The following NPC1L1 variants were observed in gnomAD, a reference collection of about 807,000 sequenced individuals.
NPC1L1 encodes NPC1 like intracellular cholesterol transporter 1.
In NPC1L1, 98 loss-of-function variants were observed where a neutral mutation model predicts 117.0. The observed-to-expected ratio is 0.84, with a 90% confidence interval of 0.71 to 0.99. The LOEUF (loss-of-function observed/expected upper bound fraction) is 0.99. Ranked by LOEUF, NPC1L1 falls within the 50% of genes least tolerant of loss-of-function variation. NPC1L1 has a pLI of 0.00. For missense variants in NPC1L1, 1,540 were observed against 1,710.0 expected (o/e 0.90, Z 1.75); for synonymous variants, 729 against 727.6 (o/e 1.00, Z -0.03).
chr7:44,535,534 G>C (rs902748310), intron 5 of NPC1L1, among the ~76,000 whole-genome samples: 2 of 148,614 alleles, frequency 1.3e-5, no homozygotes, highest in Non-Finnish European at 3.0e-5. Context: ...TGTCTCAAAA[G>C]AAAGAAAGAG....
At chr7:44,521,899 T>G (rs1395796068) in intron 11 of NPC1L1, 63 bp from the exon 12 acceptor site, 1 of 1,610,870 alleles carries the variant, frequency 6.2e-7, no homozygotes. Context: ...GTCCTTCTCG[T>G]GGCCCAACCC....
chr7:44,527,392 G>A (rs1801551626), intron 10 of NPC1L1, among the ~76,000 whole-genome samples: 1 of 148,996 alleles, frequency 6.7e-6, no homozygotes, highest in African/African-American at 2.5e-5. Context: ...GGGAGGCAGA[G>A]GTTGCGGTGA....
chr7:44,521,268 G>T, intron 12 of NPC1L1, 150 bp from the exon 13 acceptor site: 1 of 1,103,300 alleles, frequency 9.1e-7, no homozygotes, highest in Non-Finnish European at 1.3e-6. Flanking sequence ...GTCATTTGTG[G>T]GAGAAGTTCT....
intron 14 of NPC1L1, 145 bp from the exon 15 acceptor site, chr7:44,517,502 A>T (rs1801228449): frequency 9.3e-7 from 1 of 1,078,586 alleles, no homozygotes; most frequent in Non-Finnish European, 1.3e-6. Context: ...AATTCTTAGT[A>T]AATTTTGTGC....
At chr7:44,516,018 A>G (rs1310448147) in intron 17 of NPC1L1, 53 bp from the exon 18 acceptor site, 8 of 1,610,476 alleles carry the variant, frequency 5.0e-6, no homozygotes, top group African/African-American at 1.3e-5. Context: ...CAGGCAGGGC[A>G]CAGGGCATCA....
At position 44,540,051 on chromosome 7, in the gene NPC1L1, A is replaced by C; in HGVS notation, c.346T>G (p.Cys116Gly). 6.2e-7 allele frequency: 1 copy of C among 1,614,220 alleles called. No homozygotes were observed. The highest frequency in any genetic ancestry group is 8.5e-7 in the Non-Finnish European group (1 of 1,180,028). The stretch of plus-strand genomic sequence containing the variant: ...TGCAGGTTCACAAAATTGTCAGAGC[A>C]GGCTGGGCAGCGGGTGAGGAGGGCC... ...TKALLTRCPACSDNFVNLHCH... is the reference protein window; with the variant it reads ...TKALLTRCPAGSDNFVNLHCH... The change falls in exon 2 of 19, where the codon TGC (cysteine) becomes GGC (glycine). Residue 116 changes from cysteine (C) to glycine (G), a missense_variant. By Grantham distance (159) the Cys-to-Gly change is radical. This residue lies in a region of NPC1L1 where 793 missense variants were observed against 820.4 expected (regional missense o/e 0.97). Transcript: ENST00000381160.
rs759968225 is a variant in NPC1L1 at position 44,540,309 on chromosome 7, G to A, written c.88C>T (p.Pro30Ser). The A allele has an allele frequency of 6.2e-6, 10 of 1,613,656 alleles. No individual in the cohort carries two copies. The East Asian group carries it at 2.2e-4, about 36-fold the overall frequency. The change falls in exon 2 of 19, where the codon CCT becomes TCT. Residue 30 changes from proline (P) to serine (S), a missense_variant. By Grantham distance (74) the Pro-to-Ser change is moderately conservative. Transcript: ENST00000381160. ...TCGTCATAGAAGGCGCAGTAGCCAG[G>A]CTGGTGGATGGTTGTGTAAGGCTCA... ...QSEPYTTIHQ[P>S]GYCAFYDECG...
intron 10 of NPC1L1, among the ~76,000 whole-genome samples, chr7:44,527,984 C>T (rs1055020657): frequency 2.0e-5 from 3 of 152,124 alleles, no homozygotes; most frequent in African/African-American, 7.2e-5. Context: ...GCCACCATGC[C>T]TGGCTAATTT....
In NPC1L1 at chr7:44,538,837, G is replaced by T; in HGVS notation, c.1560C>A (p.Asp520Glu). ...CTCACTTGGCACAGTACAGAAAATG[G>T]TCCTTCCAGTCGACTTGGGAGGTCT... ...MGQTSQVDWK[D>E]HFLYCANAPL... Residue 520 changes from aspartate to glutamate, a missense_variant, in exon 2 of 19, where the codon GAC (aspartate) becomes GAA (glutamate). By Grantham distance (45) the Asp-to-Glu change is conservative. Coordinates refer to ENST00000381160, the MANE Select transcript of NPC1L1 (RefSeq NM_001101648.2). This position sits in a 1 kb window ranked among gnomAD's most constrained non-coding sequence, Gnocchi z 5.9. 6.2e-7 allele frequency: 1 copy of T among 1,614,180 alleles called. No individual in the cohort carries two copies. The highest frequency in any genetic ancestry group is 8.5e-7 in the Non-Finnish European group (1 of 1,180,038).
chr7:44,518,351 G>A (rs1232559110), intron 14 of NPC1L1, among the ~76,000 whole-genome samples: 1 of 150,092 alleles, frequency 6.7e-6, no homozygotes, highest in Non-Finnish European at 1.5e-5. Context: ...TGTATTTTTA[G>A]TAGAGACAGG....
intron 14 of NPC1L1, among the ~76,000 whole-genome samples, chr7:44,520,238 C>G (rs956809948): frequency 6.6e-6 from 1 of 152,084 alleles, no homozygotes; most frequent in South Asian, 2.1e-4. Flanking sequence ...CGAGATTGCA[C>G]CACTGCACTC....
At chr7:44,524,540 A>C (rs1007633759) in intron 10 of NPC1L1, among the ~76,000 whole-genome samples, 1 of 152,156 alleles carries the variant, frequency 6.6e-6, no homozygotes, top group Admixed American at 6.6e-5. Context: ...AGATCACATG[A>C]GGCCAGGAGT....
chr7:44,533,576 G>A lies in NPC1L1; in HGVS notation c.2282-18C>T, dbSNP rs377401853. ...CAGGGCCCCTGTGAGGGAGCAGAGG[G>A]CTGTCAGGGCACCCTGGCTTCAAGG... On this transcript the variant is annotated intron_variant, in intron 7 of 18. Coordinates refer to ENST00000381160, the MANE Select transcript of NPC1L1 (RefSeq NM_001101648.2). The A allele has an allele frequency of 6.2e-7, 1 of 1,614,150 alleles. No homozygotes were observed. The highest frequency in any genetic ancestry group is 8.5e-7 in the Non-Finnish European group (1 of 1,180,014).
rs761471711 is a variant in NPC1L1, at chr7:44,536,246, C to T, written c.1854+10G>A. The T allele has an allele frequency of 1.2e-6, 2 of 1,612,990 alleles. No homozygotes were observed. The highest frequency in any genetic ancestry group is 8.5e-7 in the Non-Finnish European group (1 of 1,179,984). ...TGCACCCCCAGAGCCAGGGACCCTGCAGCCCCTACCTCAGCCATGAACGTG... is the reference window on the plus strand; with the variant it reads ...TGCACCCCCAGAGCCAGGGACCCTGTAGCCCCTACCTCAGCCATGAACGTG... On this transcript the variant is annotated intron_variant, in intron 4 of 18. Coordinates refer to ENST00000381160, the MANE Select transcript of NPC1L1 (RefSeq NM_001101648.2). The surrounding 1 kb of genome is among the most constrained non-coding windows in gnomAD (Gnocchi z 4.7).
At chr7:44,520,856 C>T (rs776794812) in intron 13 of NPC1L1, 36 bp from the exon 14 acceptor site, 30 of 1,613,560 alleles carry the variant, frequency 1.9e-5, no homozygotes, top group South Asian at 3.3e-5. Flanking sequence ...TAGCCAGGGA[C>T]GAAGCTTCTT....
chr7:44,514,638 A>C (rs1485248371), intron 18 of NPC1L1, among the ~76,000 whole-genome samples: 1 of 152,196 alleles, frequency 6.6e-6, no homozygotes, highest in African/African-American at 2.4e-5. Context: ...ACTGCACTCC[A>C]GCCTGGGCAA....
At position 44,539,242 on chromosome 7, in the gene NPC1L1, G is replaced by A. The variant is rs1439203655; in HGVS notation, c.1155C>T (p.Ala385=). ...LTTDPVELWS[A]PNSQARSEKA... ...TCTCACTCCGGGCTTGGCTGTTGGG[G>A]GCCGACCACAGCTCCACGGGGTCCG... Residue 385 remains alanine, a synonymous_variant, in exon 2 of 19, where the codon GCC becomes GCT. Coordinates refer to ENST00000381160, the MANE Select transcript of NPC1L1 (RefSeq NM_001101648.2). The surrounding 1 kb of genome is among the most constrained non-coding windows in gnomAD (Gnocchi z 4.4). 5.0e-6 allele frequency: 8 copies of A among 1,613,962 alleles called. No homozygotes were observed. The highest frequency in any genetic ancestry group is 5.9e-6 in the Non-Finnish European group (7 of 1,180,052).
At chr7:44,516,037 A>C (rs1156602284) in intron 17 of NPC1L1, 47 bp downstream of exon 17, 1 of 1,607,976 alleles carries the variant, frequency 6.2e-7, no homozygotes, top group Non-Finnish European at 8.5e-7. Context: ...CAGGCAGGGC[A>C]CAGGGTGTCG....
intron 8 of NPC1L1, 71 bp downstream of exon 8, chr7:44,533,360 A>T (rs1440295360): frequency 1.3e-6 from 2 of 1,599,994 alleles, no homozygotes; most frequent in East Asian, 4.5e-5. Context: ...GTGGTGGTAA[A>T]GCCACCCCAT....
Sources: gnomAD v4.1 joint callset for allele counts (sites outside exome capture counted in the v4.1 genomes callset) on GRCh38, gnomAD v4.1.1 for gene constraint, gnomAD v4.1.1 regional missense constraint, Gnocchi (gnomAD v3.1) non-coding constraint, MANE v1.5 for transcripts, NCBI Gene and HGNC (gene_info 2026-07-23, HGNC 2026-07-21) for gene names.